The following MTMR12 variants were observed in gnomAD, a reference collection of about 807,000 sequenced individuals.
MTMR12 encodes myotubularin-related protein 12.
Under a neutral mutation model 96.7 loss-of-function variants are expected in MTMR12, and 33 were observed. That is an observed-to-expected ratio of 0.34 (90% CI 0.26 to 0.46). MTMR12 has a LOEUF of 0.46. Among genes scored for constraint, MTMR12 ranks in the 20% least tolerant of loss-of-function variants. MTMR12 has a pLI of 1.00. For missense variants in MTMR12, 721 were observed against 896.1 expected (o/e 0.80, Z 2.49); for synonymous variants, 298 against 327.2 (o/e 0.91, Z 0.96).
chr5:32,230,044 T>C lies in MTMR12; in HGVS notation c.1978A>G (p.Thr660Ala). 1 of 1,613,414 alleles carries C rather than the reference T, an allele frequency of 6.2e-7. No homozygotes were observed. The highest frequency in any genetic ancestry group is 8.5e-7 in the Non-Finnish European group (1 of 1,179,430). Residue 660 changes from threonine to alanine, a missense_variant, in exon 16 of 16, where the codon ACT becomes GCT. By Grantham distance (58) the Thr-to-Ala change is moderately conservative. Transcript: ENST00000382142. Reference sequence around the variant, plus strand: ...ATCATTTCCAAGAGTTTGCTCAGAGTGGCCACTTGGCCACCACCTAGGATT... The same window carrying C: ...ATCATTTCCAAGAGTTTGCTCAGAGCGGCCACTTGGCCACCACCTAGGATT... ...AQILGGGQVA[T>A]LSKLLEMMEE...
Position 32,250,934 on chromosome 5 carries a change from C to T in MTMR12, c.790-2056G>A, listed in dbSNP as rs183094557. Among the ~76,000 whole-genome samples the T allele has an allele frequency of 1.3e-3, 193 of 152,130 alleles. 2 individuals are homozygous for T. Among genetic ancestry groups the T allele is most frequent in the African/African-American group, 4.4e-3 (184 of 41,500 alleles). On this transcript the variant is annotated intron_variant, in intron 8 of 15. Coordinates refer to ENST00000382142, the MANE Select transcript of MTMR12 (RefSeq NM_001040446.3). The stretch of plus-strand genomic sequence containing the variant: ...TGTTGCTGCAATTTCTCTCTGGGAA[C>T]TGTGAGGGCCAGAATTCTTAGTATG...
At chr5:32,278,147 T>C (rs1273447850) in intron 1 of MTMR12, among the ~76,000 whole-genome samples, 4 of 152,194 alleles carry the variant, frequency 2.6e-5, no homozygotes, top group African/African-American at 9.7e-5. Flanking sequence ...GCTGTTAACA[T>C]AACAAAGAGA....
intron 12 of MTMR12, among the ~76,000 whole-genome samples, chr5:32,240,062 C>G (rs183579996): frequency 6.8e-4 from 104 of 152,172 alleles, no homozygotes; most frequent in African/African-American, 2.1e-3. Flanking sequence ...AAAAAATGTC[C>G]ATGAGGAGGA....
At chr5:32,290,939 A>G (rs1191303452) in intron 1 of MTMR12, among the ~76,000 whole-genome samples, 2 of 152,214 alleles carry the variant, frequency 1.3e-5, no homozygotes, top group African/African-American at 2.4e-5. Flanking sequence ...TGAACTGCCC[A>G]TCATGAATTG....
Position 32,248,773 on chromosome 5 carries a change from C to T in MTMR12, c.895G>A (p.Gly299Arg). 6.2e-7 allele frequency: 1 copy of T among 1,612,952 alleles called. No homozygotes were observed. Among genetic ancestry groups the T allele is most frequent in the East Asian group, 2.2e-5 (1 of 44,856 alleles). Residue 299 changes from glycine to arginine, a missense_variant and splice_region_variant, in exon 9 of 16, where the codon GGA (glycine) becomes AGA (arginine). Gly to Arg is a moderately radical substitution (Grantham distance 125). Transcript: ENST00000382142. ...ILQIQKSFLDGIYKTIHRPPY... is the reference protein window; with the variant it reads ...ILQIQKSFLDRIYKTIHRPPY... Reference sequence around the variant, plus strand: ...ACAAAATGTAGAACTAGTACTGACCCATCTAAGAAGCTCTTTTGGATTTGT... The same window carrying T: ...ACAAAATGTAGAACTAGTACTGACCTATCTAAGAAGCTCTTTTGGATTTGT...
intron 1 of MTMR12, among the ~76,000 whole-genome samples, chr5:32,281,975 T>G (rs1750313230): frequency 6.6e-6 from 1 of 151,678 alleles, no homozygotes; most frequent in South Asian, 2.1e-4. Context: ...CTTTCTCAGC[T>G]ACTAATTTTG....
intron 15 of MTMR12, among the ~76,000 whole-genome samples, chr5:32,232,775 T>C (rs115523666): frequency 0.014 from 2,174 of 152,314 alleles, 53 homozygotes; most frequent in African/African-American, 0.05. Context: ...AAGGGCAAAG[T>C]GGCCATTCTG....
intron 1 of MTMR12, among the ~76,000 whole-genome samples, chr5:32,306,168 T>C (rs867262953): frequency 1.3e-5 from 2 of 152,064 alleles, no homozygotes; most frequent in African/African-American, 4.8e-5. Context: ...CATTCATAAA[T>C]GTAAGAATAA....
intron 13 of MTMR12, among the ~76,000 whole-genome samples, chr5:32,238,143 CAAAAAAA>C (rs746835069): frequency 2.5e-4 from 15 of 58,974 alleles, no homozygotes; most frequent in Admixed American, 4.1e-4. Context: ...GACTCCGTCT[CAAAAAAA>C]AAAAAAAAAA....
intron 13 of MTMR12, among the ~76,000 whole-genome samples, chr5:32,238,143 CAAAA>C (rs746835069): frequency 3.4e-5 from 2 of 58,972 alleles, no homozygotes; most frequent in Admixed American, 2.0e-4. Flanking sequence ...GACTCCGTCT[CAAAA>C]AAAAAAAAAA....
Position 32,263,146 on chromosome 5 carries a change from A to G in MTMR12, c.680T>C (p.Val227Ala). The G allele has an allele frequency of 1.9e-6, 3 of 1,614,196 alleles. No individual in the cohort carries two copies. Among genetic ancestry groups the G allele is most frequent in the African/African-American group, 1.3e-5 (1 of 75,056 alleles). The change falls in exon 7 of 16, where the codon GTG becomes GCG. Residue 227 changes from valine to alanine, a missense_variant. Coordinates refer to ENST00000382142, the MANE Select transcript of MTMR12 (RefSeq NM_001040446.3). ...GACTTTATAGCCTTCGTTGACACTC[A>G]CTGCTTTGTACTTCATGTTGCCTTT... The part of the protein sequence containing the change: ...RTKGNMKYKA[V>A]SVNEGYKVCE...
chr5:32,281,254 A>C (rs1430226376), intron 1 of MTMR12, among the ~76,000 whole-genome samples: 2 of 150,080 alleles, frequency 1.3e-5, no homozygotes, highest in Non-Finnish European at 3.0e-5. Context: ...TCATTAAAAA[A>C]AAAAAAAAAA....
intron 1 of MTMR12, among the ~76,000 whole-genome samples, chr5:32,287,158 T>A (rs1392027992): frequency 6.6e-6 from 1 of 152,206 alleles, no homozygotes; most frequent in Non-Finnish European, 1.5e-5. Flanking sequence ...AGAATGGCCA[T>A]GTGATGGTTA....
At chr5:32,261,838 C>T (rs566626113) in intron 7 of MTMR12, among the ~76,000 whole-genome samples, 14 of 152,256 alleles carry the variant, frequency 9.2e-5, no homozygotes, top group African/African-American at 3.1e-4. Context: ...TTTGGGAGGC[C>T]GAGGCGGGCA....
At chr5:32,231,784 G>A (rs181464411) in intron 15 of MTMR12, among the ~76,000 whole-genome samples, 36 of 152,278 alleles carry the variant, frequency 2.4e-4, no homozygotes, top group African/African-American at 8.7e-4. Context: ...TTTCTCCATC[G>A]TGAAGATGTG....
chr5:32,246,109 AG>A (rs933447132), intron 10 of MTMR12, among the ~76,000 whole-genome samples: 16 of 151,650 alleles, frequency 1.1e-4, no homozygotes, highest in African/African-American at 3.9e-4. Context: ...TTCTGTTGAA[AG>A]CTCTGCTCTC....
intron 10 of MTMR12, chr5:32,247,731 C>T (rs1038653650): frequency 1.0e-6 from 1 of 985,056 alleles, no homozygotes; most frequent in African/African-American, 1.7e-5. Flanking sequence ...AAAATGCTCA[C>T]CACTGGGCAA....
chr5:32,234,892 T>C (rs1477540242), intron 14 of MTMR12, 70 bp downstream of exon 14: 3 of 1,391,312 alleles, frequency 2.2e-6, no homozygotes, highest in Non-Finnish European at 3.0e-6. Flanking sequence ...ATTTGTAGCA[T>C]CAGTATTACT....
chr5:32,235,257 G>A lies in MTMR12; in HGVS notation c.1345-128C>T, dbSNP rs1581587545. 1.1e-4 allele frequency: 85 copies of A among 786,696 alleles called. No homozygotes were observed. The East Asian group carries it at 2.3e-3, about 21-fold the overall frequency. 48.7% of individuals were successfully genotyped at this position (786,696 alleles called of 1,614,324 possible). On this transcript the variant is annotated intron_variant, in intron 13 of 15. Transcript: ENST00000382142. ...AGGACTTCATTCTCTGGGAAACACA[G>A]AATACTCCATACCATCCCAAGTGAG...
Sources: gnomAD v4.1 joint callset for allele counts (sites outside exome capture counted in the v4.1 genomes callset) on GRCh38, gnomAD v4.1.1 for gene constraint, MANE v1.5 for transcripts, NCBI Gene and HGNC (gene_info 2026-07-23, HGNC 2026-07-21) for gene names.